AHCYL2: variants seen among roughly 807,000 people sequenced by gnomAD.
The protein encoded by AHCYL2 is adenosylhomocysteinase like 2.
In AHCYL2, 28 loss-of-function variants were observed where a neutral mutation model predicts 81.4. That is an observed-to-expected ratio of 0.34 (90% CI 0.25 to 0.47). The LOEUF is 0.47. AHCYL2 is among the 20% of genes least tolerant of loss of function. AHCYL2 has a pLI of 1.00. For missense variants in AHCYL2, 551 were observed against 785.1 expected (o/e 0.70, Z 3.56); for synonymous variants, 272 against 290.2 (o/e 0.94, Z 0.64).
chr7:129,389,732 G>T lies in AHCYL2; in HGVS notation c.718G>T (p.Ala240Ser). ...VGCTHITAQT[A>S]VLMETLGALG... is the part of the protein sequence containing the mutation. The stretch of plus-strand genomic sequence containing the variant: ...TTGCACACACATCACTGCTCAGACT[G>T]CTGTGAGTTCTTTTCTTTTCTCCTT... Residue 240 changes from alanine to serine, a missense_variant and splice_region_variant, in exon 4 of 17, where the codon GCT becomes TCT. Transcript: ENST00000325006. 2 of 1,602,726 alleles carry T rather than the reference G, an allele frequency of 1.2e-6. No individual in the cohort carries two copies. The highest frequency in any genetic ancestry group is 2.3e-5 in the South Asian group (2 of 88,282).
chr7:129,302,815 T>C (rs901943909), intron 1 of AHCYL2, among the ~76,000 whole-genome samples: 14 of 152,136 alleles, frequency 9.2e-5, no homozygotes, highest in South Asian at 4.1e-4. Context: ...GTAGTTTTCT[T>C]TTTTTGGTGT....
chr7:129,233,987 C>G (rs1387579802), intron 1 of AHCYL2, among the ~76,000 whole-genome samples: 1 of 152,036 alleles, frequency 6.6e-6, no homozygotes, highest in African/African-American at 2.4e-5. Context: ...TCATTCTTTT[C>G]TCCCCCTCCC....
chr7:129,267,627 G>C (rs781194460), intron 1 of AHCYL2, among the ~76,000 whole-genome samples: 6 of 152,096 alleles, frequency 3.9e-5, no homozygotes, highest in Non-Finnish European at 7.3e-5. Flanking sequence ...AGATTTGAAT[G>C]TTAGCATCAA....
chr7:129,351,955 A>T (rs555466756), intron 1 of AHCYL2, among the ~76,000 whole-genome samples: 2 of 152,356 alleles, frequency 1.3e-5, no homozygotes, highest in South Asian at 4.1e-4. Flanking sequence ...GTACTTGCAG[A>T]TAACATCTTT....
At chr7:129,390,931 T>A (rs544369156) in intron 4 of AHCYL2, among the ~76,000 whole-genome samples, 27 of 152,272 alleles carry the variant, frequency 1.8e-4, no homozygotes, top group African/African-American at 6.3e-4. Context: ...TGAACTATCC[T>A]GAAATGAAAT....
At chr7:129,281,084 C>T (rs535734098) in intron 1 of AHCYL2, among the ~76,000 whole-genome samples, 52 of 151,974 alleles carry the variant, frequency 3.4e-4, no homozygotes, top group Non-Finnish European at 6.2e-4. Flanking sequence ...AGGATGGTCT[C>T]GATCTCCTGA....
chr7:129,403,273 A>T, intron 6 of AHCYL2, 106 bp from the exon 7 acceptor site: 1 of 651,470 alleles, frequency 1.5e-6, no homozygotes, highest in Non-Finnish European at 2.5e-6. Context: ...GGGAAATTTT[A>T]AATATCTGTA....
Position 129,426,955 on chromosome 7 carries a change from G to C in AHCYL2, c.1830-84G>C. On this transcript the variant is annotated intron_variant, in intron 16 of 16. Coordinates refer to ENST00000325006, the MANE Select transcript of AHCYL2 (RefSeq NM_015328.4). This position sits in a 1 kb window ranked among gnomAD's most constrained non-coding sequence, Gnocchi z 4.3. ...ACTCCAGAAAAGTCTCTGCCTCCCTGTTACACCTTTAGGCAGGCTCTTCAT... is the reference window on the plus strand; with the variant it reads ...ACTCCAGAAAAGTCTCTGCCTCCCTCTTACACCTTTAGGCAGGCTCTTCAT... 4 of 1,426,908 alleles carry C rather than the reference G, an allele frequency of 2.8e-6. No homozygotes were observed. The African/African-American group carries it at 4.3e-5, about 15-fold the overall frequency. The allele number at this position is 1,426,908 out of a possible 1,614,324, so 88.4% of individuals were successfully genotyped here. A position where few individuals can be genotyped will look rare whatever the true frequency, so the allele number is the denominator to read the frequency against.
chr7:129,225,875 A>G (rs1196879960), intron 1 of AHCYL2, among the ~76,000 whole-genome samples: 1 of 152,230 alleles, frequency 6.6e-6, no homozygotes, highest in Non-Finnish European at 1.5e-5. Flanking sequence ...AGTAAGGTGT[A>G]GTCACCTTGC....
intron 7 of AHCYL2, among the ~76,000 whole-genome samples, chr7:129,403,860 C>CAAAAAAAAAAAAAAAAAAAAAAAAAA (rs34806455): frequency 1.2e-5 from 1 of 80,200 alleles, no homozygotes; most frequent in Non-Finnish European, 2.7e-5. Context: ...GACTCCATCT[C>CAAAAAAAAAAAAAAAAAAAAAAAAAA]AAAAAAAAAA....
intron 1 of AHCYL2, among the ~76,000 whole-genome samples, chr7:129,378,640 A>G (rs1794805991): frequency 6.6e-6 from 1 of 152,254 alleles, no homozygotes; most frequent in African/African-American, 2.4e-5. Flanking sequence ...TTCATTCTTA[A>G]TGAAAAGGCT....
chr7:129,405,323 T>G, intron 8 of AHCYL2, 110 bp downstream of exon 8: 1 of 596,774 alleles, frequency 1.7e-6, no homozygotes, highest in Non-Finnish European at 2.8e-6. Flanking sequence ...GGATAATGTC[T>G]CCATAAAGCC....
intron 1 of AHCYL2, among the ~76,000 whole-genome samples, chr7:129,261,627 C>A (rs1329934600): frequency 6.6e-6 from 1 of 152,198 alleles, no homozygotes; most frequent in African/African-American, 2.4e-5. Flanking sequence ...CCCTTCCCTA[C>A]CCCACCGTAG....
intron 1 of AHCYL2, among the ~76,000 whole-genome samples, chr7:129,277,278 C>CGTTTTTTTTTTTT (rs35753023): frequency 1.5e-5 from 2 of 135,792 alleles, no homozygotes; most frequent in Non-Finnish European, 1.6e-5. Flanking sequence ...AAGTCTCTCT[C>CGTTTTTTTTTTTT]TTTTTTTTTT....
intron 1 of AHCYL2, among the ~76,000 whole-genome samples, chr7:129,339,837 G>A (rs1057070656): frequency 2.1e-5 from 3 of 145,502 alleles, no homozygotes; most frequent in African/African-American, 7.6e-5. Flanking sequence ...GCCACTAATT[G>A]ATTTTCTTTT....
chr7:129,412,855 T>G (rs1217417155), intron 11 of AHCYL2, among the ~76,000 whole-genome samples: 2 of 152,142 alleles, frequency 1.3e-5, no homozygotes, highest in Non-Finnish European at 2.9e-5. Context: ...TTTTTTCTTT[T>G]GGAGACAGGG....
chr7:129,366,681 CAGG>C (rs762699639), intron 1 of AHCYL2, among the ~76,000 whole-genome samples: 1 of 150,538 alleles, frequency 6.6e-6, no homozygotes, highest in East Asian at 2.0e-4. Flanking sequence ...GAGGCTGAGG[CAGG>C]AGAATTGCTT....
chr7:129,398,566 A>G (rs1795860426), intron 5 of AHCYL2, among the ~76,000 whole-genome samples: 1 of 150,600 alleles, frequency 6.6e-6, no homozygotes, highest in Admixed American at 6.6e-5. Flanking sequence ...TTTAGTAGAG[A>G]CGGGGTTTCA....
chr7:129,314,321 A>T (rs1251050265), intron 1 of AHCYL2, among the ~76,000 whole-genome samples: 5 of 152,140 alleles, frequency 3.3e-5, no homozygotes, highest in African/African-American at 1.2e-4. Flanking sequence ...CTTTTATTAT[A>T]TGATTATATT....
Sources: gnomAD v4.1 joint callset for allele counts (sites outside exome capture counted in the v4.1 genomes callset) on GRCh38, gnomAD v4.1.1 for gene constraint, Gnocchi (gnomAD v3.1) non-coding constraint, MANE v1.5 for transcripts, NCBI Gene and HGNC (gene_info 2026-07-23, HGNC 2026-07-21) for gene names.